The following LHFPL3 variants were observed in gnomAD, a reference collection of about 807,000 sequenced individuals.
The protein encoded by LHFPL3 is LHFPL tetraspan subfamily member 3.
In LHFPL3, 5 loss-of-function variants were observed where a neutral mutation model predicts 19.3. The observed-to-expected ratio is 0.26, with a 90% CI of 0.14 to 0.54. LHFPL3 has a LOEUF of 0.54. LHFPL3 is among the 20% of genes least tolerant of loss of function. The pLI, the probability that LHFPL3 is intolerant of heterozygous loss-of-function variation, is 0.94. For missense variants in LHFPL3, 249 were observed against 307.4 expected (o/e 0.81, Z 1.42); for synonymous variants, 133 against 126.2 (o/e 1.05, Z -0.36).
chr7:104,412,016 G>A (rs752340879), intron 1 of LHFPL3, among the ~76,000 whole-genome samples: 2 of 152,118 alleles, frequency 1.3e-5, no homozygotes, highest in Non-Finnish European at 2.9e-5. Flanking sequence ...AGGAGAACAT[G>A]GGCATAAAAT....
chr7:104,750,447 G>T (rs1005589921), intron 2 of LHFPL3, among the ~76,000 whole-genome samples: 7 of 152,090 alleles, frequency 4.6e-5, no homozygotes, highest in African/African-American at 7.2e-5. Flanking sequence ...GAGCAATCTT[G>T]TCTCCTAGAC....
intron 1 of LHFPL3, among the ~76,000 whole-genome samples, chr7:104,613,448 G>A (rs1382737699): frequency 1.3e-5 from 2 of 152,144 alleles, no homozygotes; most frequent in African/African-American, 4.8e-5. Flanking sequence ...CTGCTATGAA[G>A]AAAAGACCCA....
chr7:104,616,455 A>G lies in LHFPL3; in HGVS notation c.446-120220A>G, dbSNP rs572044926. On this transcript the variant is annotated intron_variant, in intron 1 of 2. Transcript: ENST00000424859. ...GCCATATGCAGAAAACTGAAACTGG[A>G]TCCCTTCCTTACACCTTATACAAAA... 1.3e-4 allele frequency among the ~76,000 whole-genome samples: 20 copies of G among 152,308 alleles called. No homozygotes were observed. The South Asian group carries it at 4.1e-3, about 32-fold the overall frequency.
intron 1 of LHFPL3, among the ~76,000 whole-genome samples, chr7:104,554,278 A>G (rs1031470401): frequency 2.0e-5 from 3 of 152,056 alleles, no homozygotes; most frequent in Non-Finnish European, 4.4e-5. Context: ...AATGGATTAT[A>G]ATAATGTTAT....
intron 1 of LHFPL3, among the ~76,000 whole-genome samples, chr7:104,501,771 A>G (rs1793602541): frequency 1.3e-5 from 2 of 152,216 alleles, no homozygotes; most frequent in South Asian, 4.1e-4. Flanking sequence ...ATAGATTCCA[A>G]TTTGAAATAG....
At chr7:104,662,700 A>C (rs1792255938) in intron 1 of LHFPL3, among the ~76,000 whole-genome samples, 1 of 152,222 alleles carries the variant, frequency 6.6e-6, no homozygotes, top group East Asian at 1.9e-4. Context: ...GCGGGTTTGG[A>C]GGTAGTTACT....
At chr7:104,670,071 T>C (rs1306295750) in intron 1 of LHFPL3, among the ~76,000 whole-genome samples, 1 of 152,086 alleles carries the variant, frequency 6.6e-6, no homozygotes, top group Non-Finnish European at 1.5e-5. Flanking sequence ...TGTTTTAGTC[T>C]CCAGGAGGCT....
chr7:104,523,407 TA>T (rs1462452406), intron 1 of LHFPL3, among the ~76,000 whole-genome samples: 5 of 152,142 alleles, frequency 3.3e-5, no homozygotes, highest in African/African-American at 1.2e-4. Context: ...GAGAAAAAGT[TA>T]TAATAAAAGT....
intron 2 of LHFPL3, among the ~76,000 whole-genome samples, chr7:104,776,584 T>G (rs1794640214): frequency 1.3e-5 from 2 of 152,220 alleles, no homozygotes; most frequent in Non-Finnish European, 2.9e-5. Flanking sequence ...GGCCCAAGAA[T>G]GTGCTTTTCT....
At chr7:104,556,591 C>T (rs1261424279) in intron 1 of LHFPL3, among the ~76,000 whole-genome samples, 1 of 152,220 alleles carries the variant, frequency 6.6e-6, no homozygotes, top group Non-Finnish European at 1.5e-5. Flanking sequence ...TCCTAAACCT[C>T]CACTTCTGTG....
At chr7:104,338,300 C>T (rs1167290601) in intron 1 of LHFPL3, among the ~76,000 whole-genome samples, 3 of 151,824 alleles carry the variant, frequency 2.0e-5, no homozygotes, top group Non-Finnish European at 2.9e-5. Flanking sequence ...GGGGTGTCAC[C>T]GTATTAGCCA....
chr7:104,811,280 A>C (rs767155255), intron 2 of LHFPL3, among the ~76,000 whole-genome samples: 1 of 151,520 alleles, frequency 6.6e-6, no homozygotes, highest in Non-Finnish European at 1.5e-5. Flanking sequence ...CTGTAGCCTC[A>C]ACCTCCCAGG....
intron 2 of LHFPL3, among the ~76,000 whole-genome samples, chr7:104,816,818 G>A (rs560735564): frequency 1.5e-4 from 23 of 152,182 alleles, no homozygotes; most frequent in Middle Eastern, 3.4e-3. Flanking sequence ...CCTCCCTGCT[G>A]GCCTCCTAGC....
chr7:104,445,280 A>G (rs1425130313), intron 1 of LHFPL3, among the ~76,000 whole-genome samples: 4 of 152,188 alleles, frequency 2.6e-5, no homozygotes, highest in African/African-American at 9.7e-5. Flanking sequence ...ATATAGTGAT[A>G]TGGTACAGAC....
At chr7:104,517,642 G>T (rs1362507952) in intron 1 of LHFPL3, among the ~76,000 whole-genome samples, 1 of 151,560 alleles carries the variant, frequency 6.6e-6, no homozygotes, top group Admixed American at 6.6e-5. Context: ...GAATAATTGG[G>T]CTTACAGGCG....
intron 1 of LHFPL3, among the ~76,000 whole-genome samples, chr7:104,484,997 A>T (rs551308716): frequency 6.6e-6 from 1 of 152,330 alleles, no homozygotes; most frequent in Admixed American, 6.5e-5. Flanking sequence ...CAAGCATAGC[A>T]GAGGGGCTCT....
intron 2 of LHFPL3, among the ~76,000 whole-genome samples, chr7:104,843,113 G>C (rs1791245809): frequency 6.6e-6 from 1 of 152,166 alleles, no homozygotes; most frequent in Non-Finnish European, 1.5e-5. Flanking sequence ...TGCAGCGTGG[G>C]GCAAGCTGTA....
intron 1 of LHFPL3, among the ~76,000 whole-genome samples, chr7:104,465,202 C>A (rs1278290782): frequency 1.3e-5 from 2 of 152,114 alleles, no homozygotes; most frequent in South Asian, 4.1e-4. Context: ...CCATTTTGTC[C>A]ATTGGACTTC....
At chr7:104,618,248 A>G (rs771019173) in intron 1 of LHFPL3, among the ~76,000 whole-genome samples, 1 of 152,248 alleles carries the variant, frequency 6.6e-6, no homozygotes, top group Non-Finnish European at 1.5e-5. Context: ...ACATTCTATA[A>G]TTAAGAAAAT....
Sources: gnomAD v4.1 joint callset for allele counts (sites outside exome capture counted in the v4.1 genomes callset) on GRCh38, gnomAD v4.1.1 for gene constraint, MANE v1.5 for transcripts, NCBI Gene and HGNC (gene_info 2026-07-23, HGNC 2026-07-21) for gene names.